MAPKBP1: variants seen among roughly 807,000 people sequenced by gnomAD.
The protein encoded by MAPKBP1 is mitogen-activated protein kinase-binding protein 1.
In MAPKBP1, 71 loss-of-function variants were observed where a neutral mutation model predicts 170.5. The observed-to-expected ratio is 0.42, with a 90% CI of 0.34 to 0.51. MAPKBP1 has a LOEUF of 0.51. Ranked by LOEUF, MAPKBP1 falls within the 20% of genes least tolerant of loss-of-function variation. The probability of loss-of-function intolerance (pLI) is 0.06; values close to 1 mark genes in which losing one functional copy is unlikely to be tolerated. For synonymous variants in MAPKBP1, 719 were observed against 757.9 expected (o/e 0.95, Z 0.84); for missense variants, 1,598 against 1,933.0 (o/e 0.83, Z 3.25).
rs144262868 is a variant in MAPKBP1, at chr15:41,819,555, G to C, written c.2426-40G>C. ...GCTCCAGGGTTGGGTGGCGGGGGGGGGGCAGGAGACACTTCCTCTGACTGC... is the reference window on the plus strand; with the variant it reads ...GCTCCAGGGTTGGGTGGCGGGGGGGCGGCAGGAGACACTTCCTCTGACTGC... On this transcript the variant is annotated intron_variant, in intron 21 of 30. Coordinates refer to ENST00000457542, the MANE Select transcript of MAPKBP1 (RefSeq NM_014994.3). 1,983 of 1,481,918 alleles carry C rather than the reference G, an allele frequency of 1.3e-3. 24 individuals are homozygous for C. The highest frequency in any genetic ancestry group is 1.9e-3 in the Middle Eastern group (10 of 5,372). The allele number at this position is 1,481,918 out of a possible 1,614,324, so 91.8% of individuals were successfully genotyped here.
At chr15:41,786,777 A>AAAAAAAAAAAAAAATATATAT in intron 2 of MAPKBP1, among the ~76,000 whole-genome samples, 1 of 32,468 alleles carries the variant, frequency 3.1e-5, no homozygotes, top group Non-Finnish European at 5.6e-5. Flanking sequence ...AAAAAAAAAA[A>AAAAAAAAAAAAAAATATATAT]ATATATATAT....
chr15:41,820,017 G>A (rs2064967587), intron 22 of MAPKBP1, among the ~76,000 whole-genome samples: 1 of 152,188 alleles, frequency 6.6e-6, no homozygotes, highest in African/African-American at 2.4e-5. Flanking sequence ...GAACTAAAAT[G>A]CAGGAAATCA....
intron 12 of MAPKBP1, 92 bp from the exon 13 acceptor site, chr15:41,816,467 G>GA: frequency 1.2e-6 from 1 of 849,838 alleles, no homozygotes; most frequent in Non-Finnish European, 1.9e-6. Context: ...TCAAAAAAAG[G>GA]AAAAAGGAGG....
intron 2 of MAPKBP1, among the ~76,000 whole-genome samples, chr15:41,783,501 A>G (rs1043964518): frequency 6.6e-6 from 1 of 152,186 alleles, no homozygotes; most frequent in African/African-American, 2.4e-5. Flanking sequence ...TTCTTTGAGC[A>G]AGTACCTTGT....
chr15:41,794,579 T>G (rs1412585066), intron 2 of MAPKBP1, among the ~76,000 whole-genome samples: 1 of 152,164 alleles, frequency 6.6e-6, no homozygotes, highest in Admixed American at 6.5e-5. Context: ...ACAACCAGTT[T>G]TAGATACTTT....
At chr15:41,798,532 C>T (rs1281605719) in intron 2 of MAPKBP1, among the ~76,000 whole-genome samples, 9 of 152,082 alleles carry the variant, frequency 5.9e-5, no homozygotes. Context: ...ATCTGCCCAC[C>T]TTGGCCTCCC....
At chr15:41,785,715 T>A (rs923562226) in intron 2 of MAPKBP1, among the ~76,000 whole-genome samples, 10 of 151,966 alleles carry the variant, frequency 6.6e-5, no homozygotes, top group African/African-American at 2.2e-4. Context: ...ATTAAAAAAT[T>A]TTTTTTTGCT....
Position 41,815,305 on chromosome 15 carries a change from G to C in MAPKBP1, c.1217G>C (p.Ser406Thr). Reference protein sequence around the residue: ...KDSNQACLPPSSFITCSSDNT... With the variant: ...KDSNQACLPPTSFITCSSDNT... ...AGTAACCAGGCCTGCCTGCCCCCCAGTTCCTTTATTACCTGCTCCTCAGAC... is the reference window on the plus strand; with the variant it reads ...AGTAACCAGGCCTGCCTGCCCCCCACTTCCTTTATTACCTGCTCCTCAGAC... Residue 406 changes from serine to threonine, a missense_variant, in exon 11 of 31, where the codon AGT becomes ACT. By Grantham distance (58) the Ser-to-Thr change is moderately conservative (BLOSUM62 1). Transcript: ENST00000457542. The C allele has an allele frequency of 6.2e-7, 1 of 1,614,082 alleles. No homozygotes were observed. The highest frequency in any genetic ancestry group is 8.5e-7 in the Non-Finnish European group (1 of 1,180,002).
At chr15:41,825,047 G>A in intron 30 of MAPKBP1, 162 bp from the exon 31 acceptor site, 1 of 599,638 alleles carries the variant, frequency 1.7e-6, no homozygotes, top group Non-Finnish European at 3.0e-6. Flanking sequence ...GTCACCCCCA[G>A]AGTCTGCCTG....
At chr15:41,786,777 A>AAAAAAAATATATATATATAT in intron 2 of MAPKBP1, among the ~76,000 whole-genome samples, 17 of 32,430 alleles carry the variant, frequency 5.2e-4, no homozygotes, top group East Asian at 1.6e-3. Flanking sequence ...AAAAAAAAAA[A>AAAAAAAATATATATATATAT]ATATATATAT....
chr15:41,782,308 T>C (rs900084659), intron 2 of MAPKBP1, among the ~76,000 whole-genome samples: 1 of 150,658 alleles, frequency 6.6e-6, no homozygotes, highest in African/African-American at 2.4e-5. Context: ...TAAGAGAGTG[T>C]ACAAATATAA....
At position 41,826,018 on chromosome 15, in the gene MAPKBP1, C is replaced by T. The variant is rs2065085972; in HGVS notation, c.*582C>T. 1 of 152,788 alleles carries T rather than the reference C, an allele frequency of 6.5e-6. No individual in the cohort carries two copies. The highest frequency in any genetic ancestry group is 1.5e-5 in the Non-Finnish European group (1 of 68,154). 9.5% of individuals were successfully genotyped at this position (152,788 alleles called of 1,614,324 possible). On this transcript the variant is annotated 3_prime_UTR_variant, in exon 31 of 31. Coordinates refer to ENST00000457542, the MANE Select transcript of MAPKBP1 (RefSeq NM_014994.3). The stretch of plus-strand genomic sequence containing the variant: ...CAGGGTGTCCCCAGCCATCAGGAGA[C>T]TTGAGTTGGTATTTGGACCTGAGCC...
At chr15:41,803,283 G>A (rs552027288) in intron 3 of MAPKBP1, among the ~76,000 whole-genome samples, 12 of 151,958 alleles carry the variant, frequency 7.9e-5, no homozygotes, top group African/African-American at 2.7e-4. Flanking sequence ...GCGTGATGGC[G>A]GGTGCTGGTA....
chr15:41,820,392 C>G (rs1231949995), intron 22 of MAPKBP1, among the ~76,000 whole-genome samples: 1 of 151,956 alleles, frequency 6.6e-6, no homozygotes, highest in Non-Finnish European at 1.5e-5. Flanking sequence ...GGTAGACAGG[C>G]AGAAGTGGCC....
At chr15:41,803,903 C>T (rs181165256) in intron 3 of MAPKBP1, among the ~76,000 whole-genome samples, 58 of 152,114 alleles carry the variant, frequency 3.8e-4, no homozygotes, top group Middle Eastern at 6.8e-3. Flanking sequence ...TGCAATGGCA[C>T]GATCTCAGCT....
At chr15:41,816,733 G>T (rs758729924) in intron 13 of MAPKBP1, 83 bp downstream of exon 13, 3 of 1,474,508 alleles carry the variant, frequency 2.0e-6, no homozygotes, top group Non-Finnish European at 2.8e-6. Flanking sequence ...TGGACGTGGG[G>T]TCGGTAATCT....
rs755038182 is a variant in MAPKBP1 at position 41,812,135 on chromosome 15, G to A, written c.498+8G>A. 1.3e-5 allele frequency: 21 copies of A among 1,613,918 alleles called. No individual in the cohort carries two copies. In the African/African-American group the frequency reaches 2.7e-4, roughly 21 times the overall value. On this transcript the variant is annotated splice_region_variant and intron_variant, in intron 6 of 30. Transcript: ENST00000457542. ...AACGTGTGGGCCTGGAAGGTGAGTG[G>A]CTGGGTGGGGTGGCCTGGCAGCCTC...
At position 41,822,945 on chromosome 15, in the gene MAPKBP1, AT is replaced by A; in HGVS notation, c.3322del (p.Ser1108ProfsTer9). The A allele has an allele frequency of 1.2e-6, 2 of 1,605,612 alleles. No homozygotes were observed. The highest frequency in any genetic ancestry group is 1.7e-6 in the Non-Finnish European group (2 of 1,173,768). On this transcript the variant is annotated frameshift_variant, in exon 28 of 31. Transcript: ENST00000457542. LOFTEE classifies it high-confidence loss of function. ...CCACATGTTCTCCCTGTAGGGAACC[AT>A]CCCCATCCTCCTCAAGCCTGGCACT... ...QVQTRPLREP[S>X]PSSSSLALMS...
At position 41,819,611 on chromosome 15, in the gene MAPKBP1, A is replaced by G. The variant is rs1184957611; in HGVS notation, c.2442A>G (p.Pro814=). The G allele has an allele frequency of 3.7e-6, 6 of 1,608,564 alleles. No homozygotes were observed. The South Asian group carries it at 4.4e-5, about 12-fold the overall frequency. Residue 814 remains proline (P), a synonymous_variant, in exon 22 of 31, where the codon CCA becomes CCG. Coordinates refer to ENST00000457542, the MANE Select transcript of MAPKBP1 (RefSeq NM_014994.3). ...TKKALASVPS[P]ALPRSLSHWE... ...TCTGTCTAGCCTCGGTCCCCAGCCC[A>G]GCTTTGCCCCGAAGCCTGTCCCACT...
Sources: gnomAD v4.1 joint callset for allele counts (sites outside exome capture counted in the v4.1 genomes callset) on GRCh38, gnomAD v4.1.1 for gene constraint, MANE v1.5 for transcripts, NCBI Gene and HGNC (gene_info 2026-07-23, HGNC 2026-07-21) for gene names.